The following STON2 variants were observed in gnomAD, a reference collection of about 807,000 sequenced individuals.
STON2 encodes stonin 2, also known as stonin-2.
A neutral mutation model predicts 65.7 loss-of-function variants in STON2; 29 were observed. That is an observed-to-expected ratio of 0.44 (90% CI 0.33 to 0.60). STON2 has a LOEUF of 0.60. Among genes scored for constraint, STON2 ranks in the 20% least tolerant of loss-of-function variants. The pLI is 0.03. For missense variants in STON2, 1,054 were observed against 1,118.1 expected, an observed-to-expected ratio of 0.94 and a Z score of 0.82; for synonymous variants, 404 against 414.2, an observed-to-expected ratio of 0.98 and a Z score of 0.30.
At chr14:81,299,286 T>C (rs1354640089) in intron 5 of STON2, among the ~76,000 whole-genome samples, 1 of 152,188 alleles carries the variant, frequency 6.6e-6, no homozygotes, top group Non-Finnish European at 1.5e-5. Context: ...GTAGAAAAAG[T>C]ATGGTAAAAT....
chr14:81,274,796 T>A (rs1203614182), intron 6 of STON2, among the ~76,000 whole-genome samples: 4 of 151,884 alleles, frequency 2.6e-5, no homozygotes, highest in Non-Finnish European at 5.9e-5. Flanking sequence ...ATTTAGCTAC[T>A]CAGAAGACTG....
intron 4 of STON2, among the ~76,000 whole-genome samples, chr14:81,345,151 A>G (rs1363917732): frequency 1.3e-5 from 2 of 152,236 alleles, no homozygotes; most frequent in African/African-American, 4.8e-5. Context: ...CAAACTGGTT[A>G]TCTTGGGCAG....
At chr14:81,412,185 G>C (rs1448529227) in intron 2 of STON2, among the ~76,000 whole-genome samples, 1 of 139,820 alleles carries the variant, frequency 7.2e-6, no homozygotes, top group Non-Finnish European at 1.5e-5. Flanking sequence ...AGTCACTGAA[G>C]AAGTTTAAAG....
intron 3 of STON2, among the ~76,000 whole-genome samples, chr14:81,384,777 A>G (rs933816899): frequency 6.6e-5 from 10 of 152,340 alleles, no homozygotes; most frequent in African/African-American, 2.4e-4. Flanking sequence ...GATCCTGGGT[A>G]GATTAAAATT....
At chr14:81,426,960 CA>C (rs1902007546) in intron 2 of STON2, 1 of 152,194 alleles carries the variant, frequency 6.6e-6, no homozygotes, top group Non-Finnish European at 1.5e-5. Context: ...ACTTACGTAA[CA>C]CTTCTCATCT....
At chr14:81,334,773 A>G (rs1056404496) in intron 4 of STON2, among the ~76,000 whole-genome samples, 34 of 152,070 alleles carry the variant, frequency 2.2e-4, no homozygotes, top group Non-Finnish European at 3.8e-4. Context: ...GAAATGTCCT[A>G]TCGTAGTCTG....
At chr14:81,432,506 A>T (rs181257361) in intron 1 of STON2, among the ~76,000 whole-genome samples, 7 of 152,306 alleles carry the variant, frequency 4.6e-5, no homozygotes, top group Non-Finnish European at 5.9e-5. Flanking sequence ...AATTCAGCCA[A>T]ATGTCCACCC....
At chr14:81,374,828 T>TGGTC (rs199763728) in intron 3 of STON2, among the ~76,000 whole-genome samples, 2,022 of 152,222 alleles carry the variant, frequency 0.013, 51 homozygotes, top group African/African-American at 0.046. Context: ...GAAAAAATAC[T>TGGTC]GGTTGAAAAT....
chr14:81,378,782 T>C (rs1385181080), intron 3 of STON2, among the ~76,000 whole-genome samples: 1 of 152,194 alleles, frequency 6.6e-6, no homozygotes, highest in Non-Finnish European at 1.5e-5. Flanking sequence ...GGGTTAACAT[T>C]AGAAAATCAA....
intron 3 of STON2, among the ~76,000 whole-genome samples, chr14:81,382,299 C>T (rs1027799650): frequency 6.6e-6 from 1 of 152,082 alleles, no homozygotes; most frequent in African/African-American, 2.4e-5. Context: ...TAGCATATTA[C>T]TATAATGGAA....
chr14:81,284,083 G>T (rs897123739), intron 5 of STON2, among the ~76,000 whole-genome samples: 2 of 152,168 alleles, frequency 1.3e-5, no homozygotes, highest in Non-Finnish European at 2.9e-5. Flanking sequence ...TGTGTTCTGG[G>T]CTGCTCCACA....
At chr14:81,304,170 C>G (rs1896078839) in intron 5 of STON2, among the ~76,000 whole-genome samples, 1 of 152,252 alleles carries the variant, frequency 6.6e-6, no homozygotes, top group African/African-American at 2.4e-5. Flanking sequence ...ATGATTAAAA[C>G]CTCCTTGAGA....
chr14:81,368,249 G>A (rs1199228803), intron 4 of STON2, among the ~76,000 whole-genome samples: 1 of 152,190 alleles, frequency 6.6e-6, no homozygotes, highest in African/African-American at 2.4e-5. Flanking sequence ...CCATTTCTCA[G>A]TGGTGTTCTC....
chr14:81,392,336 G>A (rs572720347), intron 3 of STON2, among the ~76,000 whole-genome samples: 1 of 152,250 alleles, frequency 6.6e-6, no homozygotes, highest in East Asian at 1.9e-4. Flanking sequence ...CTGGGATTTG[G>A]GCGCGGTCCG....
At chr14:81,357,704 A>G (rs1326466035) in intron 4 of STON2, among the ~76,000 whole-genome samples, 1 of 152,188 alleles carries the variant, frequency 6.6e-6, no homozygotes, top group Non-Finnish European at 1.5e-5. Context: ...AATACTACGC[A>G]GCCATAAAAA....
rs896162058 is a variant in STON2 at position 81,262,823 on chromosome 14, C to T, written c.*5591G>A. The T allele has an allele frequency of 2.0e-6, 2 of 985,104 alleles. No homozygotes were observed. The highest frequency in any genetic ancestry group is 2.4e-6 in the Non-Finnish European group (2 of 829,772). The allele number at this position is 985,104 out of a possible 1,614,324, so 61.0% of individuals were successfully genotyped here. A position where few individuals can be genotyped will look rare whatever the true frequency, so the allele number is the denominator to read the frequency against. On this transcript the variant is annotated 3_prime_UTR_variant, in exon 8 of 8. Transcript: ENST00000614646. ...AATACATGGGAGAATATTACTAATACATACATTTGTTTTCTACATTTGTGG... is the reference window on the plus strand; with the variant it reads ...AATACATGGGAGAATATTACTAATATATACATTTGTTTTCTACATTTGTGG...
chr14:81,396,436 A>T (rs1900326237), intron 2 of STON2, among the ~76,000 whole-genome samples: 2 of 152,176 alleles, frequency 1.3e-5, no homozygotes, highest in Non-Finnish European at 2.9e-5. Context: ...CACTATTCTT[A>T]TGCCAGCATC....
intron 5 of STON2, among the ~76,000 whole-genome samples, chr14:81,301,995 C>G (rs996216565): frequency 6.6e-6 from 1 of 152,152 alleles, no homozygotes; most frequent in Admixed American, 6.5e-5. Flanking sequence ...TTGAATATGA[C>G]TCAAGCCCCA....
intron 5 of STON2, among the ~76,000 whole-genome samples, chr14:81,285,580 G>A (rs370655121): frequency 1.3e-5 from 2 of 152,070 alleles, no homozygotes; most frequent in Non-Finnish European, 2.9e-5. Flanking sequence ...CACTGCACTC[G>A]GCCTCATGAT....
Sources: allele counts gnomAD v4.1 joint callset (sites outside exome capture counted in the v4.1 genomes callset), GRCh38; gene constraint gnomAD v4.1.1; transcripts MANE v1.5; gene names NCBI Gene and HGNC (gene_info 2026-07-23, HGNC 2026-07-21).